The following MAN1C1 variants were observed in gnomAD, a reference collection of about 807,000 sequenced individuals.
The protein encoded by MAN1C1 is mannosidase alpha class 1C member 1.
MAN1C1 carries 49 observed loss-of-function variants against 71.5 expected under a neutral mutation model. The observed-to-expected ratio is 0.69, with a 90% CI of 0.54 to 0.87. MAN1C1 has a LOEUF of 0.87. MAN1C1 is among the 40% of genes least tolerant of loss of function. MAN1C1 has a pLI of 0.00. For synonymous variants in MAN1C1, 352 were observed against 343.7 expected (o/e 1.02, Z -0.27); for missense variants, 743 against 835.0 (o/e 0.89, Z 1.36).
intron 1 of MAN1C1, among the ~76,000 whole-genome samples, chr1:25,648,305 C>G (rs1343722282): frequency 1.3e-5 from 2 of 152,218 alleles, no homozygotes; most frequent in Non-Finnish European, 2.9e-5. Context: ...GAACACACAT[C>G]TGAGGCTTCT....
At chr1:25,757,913 GT>G (rs906197134) in intron 5 of MAN1C1, among the ~76,000 whole-genome samples, 1 of 152,190 alleles carries the variant, frequency 6.6e-6, no homozygotes, top group African/African-American at 2.4e-5. Flanking sequence ...TGTTTACCGC[GT>G]TTGCAAAAGG....
chr1:25,634,516 A>G lies in MAN1C1; in HGVS notation c.540+16179A>G, dbSNP rs1234688580. On this transcript the variant is annotated intron_variant, in intron 1 of 11. Coordinates refer to ENST00000374332, the MANE Select transcript of MAN1C1 (RefSeq NM_020379.4). This position sits in a 1 kb window ranked among gnomAD's most constrained non-coding sequence, Gnocchi z 4.6. ...TTTAATTCAGTCAATACAGTGAATTATATTTTTAAAAGAATGCTAGGCTGG... is the reference window on the plus strand; with the variant it reads ...TTTAATTCAGTCAATACAGTGAATTGTATTTTTAAAAGAATGCTAGGCTGG... 1.3e-5 allele frequency among the ~76,000 whole-genome samples: 2 copies of G among 152,208 alleles called. No individual in the cohort carries two copies. Among genetic ancestry groups the G allele is most frequent in the Non-Finnish European group, 2.9e-5 (2 of 68,036 alleles).
chr1:25,621,839 G>A (rs1252862226), intron 1 of MAN1C1, among the ~76,000 whole-genome samples: 3 of 151,950 alleles, frequency 2.0e-5, no homozygotes, highest in African/African-American at 7.3e-5. Flanking sequence ...GTGTTGGCCA[G>A]GCTGGTCTCG....
chr1:25,720,764 A>G (rs932928454), intron 2 of MAN1C1, among the ~76,000 whole-genome samples: 4 of 152,190 alleles, frequency 2.6e-5, no homozygotes, highest in African/African-American at 7.2e-5. Flanking sequence ...GGTCATGAAC[A>G]TAATTCCTGT....
chr1:25,625,456 A>C (rs1369167840), intron 1 of MAN1C1, among the ~76,000 whole-genome samples: 1 of 152,156 alleles, frequency 6.6e-6, no homozygotes, highest in African/African-American at 2.4e-5. Context: ...CCTCTCACCT[A>C]GCCCCTATCA....
chr1:25,767,509 CACATT>C (rs1464957714), intron 7 of MAN1C1, among the ~76,000 whole-genome samples: 1 of 141,866 alleles, frequency 7.0e-6, no homozygotes, highest in Non-Finnish European at 1.5e-5. Flanking sequence ...CCCTCACACA[CACATT>C]ACATACTACA....
At chr1:25,644,518 A>ATATATATTT (rs61386117) in intron 1 of MAN1C1, 13 of 40,288 alleles carry the variant, frequency 3.2e-4, no homozygotes, top group East Asian at 2.2e-3. Context: ...ATATATATAT[A>ATATATATTT]TTTTTTTTTT....
chr1:25,763,477 A>C (rs2047386701), intron 6 of MAN1C1, among the ~76,000 whole-genome samples: 2 of 111,968 alleles, frequency 1.8e-5, no homozygotes, highest in Non-Finnish European at 3.5e-5. Context: ...TGACAGAGTG[A>C]GACTGTCTCA....
At chr1:25,704,130 T>TA (rs1460212558) in intron 2 of MAN1C1, among the ~76,000 whole-genome samples, 6 of 152,214 alleles carry the variant, frequency 3.9e-5, no homozygotes, top group African/African-American at 1.4e-4. Context: ...CCGCAGTGTT[T>TA]CAGGCCCACT....
At chr1:25,627,929 C>T (rs918863786) in intron 1 of MAN1C1, among the ~76,000 whole-genome samples, 3 of 151,694 alleles carry the variant, frequency 2.0e-5, no homozygotes, top group Non-Finnish European at 4.4e-5. Context: ...ACCTATGGTT[C>T]CTGCTACTGG....
At chr1:25,736,371 T>C (rs1246097857) in intron 2 of MAN1C1, among the ~76,000 whole-genome samples, 2 of 152,148 alleles carry the variant, frequency 1.3e-5, no homozygotes, top group East Asian at 3.9e-4. Context: ...AACAGCCCCA[T>C]GCATTGAGTA....
chr1:25,768,634 A>G (rs1572208361), intron 7 of MAN1C1, among the ~76,000 whole-genome samples: 1 of 77,146 alleles, frequency 1.3e-5, no homozygotes, highest in African/African-American at 5.1e-5. Context: ...TCACACACAC[A>G]ATTACACACT....
intron 1 of MAN1C1, among the ~76,000 whole-genome samples, chr1:25,619,305 T>C (rs1182931187): frequency 1.3e-5 from 2 of 152,158 alleles, no homozygotes; most frequent in Non-Finnish European, 2.9e-5. Flanking sequence ...AACGAGAGGA[T>C]GCTCTCCCCT....
chr1:25,618,008 G>A lies in MAN1C1; in HGVS notation c.211G>A (p.Gly71Ser). 1 of 1,602,744 alleles carries A rather than the reference G, an allele frequency of 6.2e-7. No homozygotes were observed. The highest frequency in any genetic ancestry group is 1.1e-5 in the South Asian group (1 of 90,314). Residue 71 changes from glycine (G) to serine (S), a missense_variant, in exon 1 of 12, where the codon GGC (glycine) becomes AGC (serine). Physicochemically the swap from Gly to Ser is moderately conservative, Grantham distance 56. Coordinates refer to ENST00000374332, the MANE Select transcript of MAN1C1 (RefSeq NM_020379.4). ...PGLEVVAEIA[G>S]HAPAREQEPP... ...TCTGGAAGTGGTGGCTGAAATCGCC[G>A]GCCATGCCCCGGCCCGCGAGCAGGA...
chr1:25,655,177 C>T (rs1020172405), intron 1 of MAN1C1, among the ~76,000 whole-genome samples: 1 of 152,144 alleles, frequency 6.6e-6, no homozygotes, highest in African/African-American at 2.4e-5. Context: ...ATTTATTTAC[C>T]GTGTGATCTT....
intron 2 of MAN1C1, among the ~76,000 whole-genome samples, chr1:25,741,586 C>T (rs1250543979): frequency 1.3e-5 from 2 of 152,036 alleles, no homozygotes; most frequent in Non-Finnish European, 2.9e-5. Flanking sequence ...TATAAAGTGA[C>T]AGGGACAGGG....
chr1:25,686,093 C>T (rs1277436009), intron 1 of MAN1C1, among the ~76,000 whole-genome samples: 3 of 152,176 alleles, frequency 2.0e-5, no homozygotes, highest in South Asian at 2.1e-4. Context: ...TCCTTCCCTT[C>T]GGAGGATGAC....
In MAN1C1 at chr1:25,669,775, A is replaced by T. The variant is rs530412666; in HGVS notation, c.541-16665A>T. Reference sequence around the variant, plus strand: ...ACTCCTGTCTGGATGACAGAGCAAGACTCTGTCTCTAAAAATACACAGATA... The same window carrying T: ...ACTCCTGTCTGGATGACAGAGCAAGTCTCTGTCTCTAAAAATACACAGATA... On this transcript the variant is annotated intron_variant, in intron 1 of 11. Coordinates refer to ENST00000374332, the MANE Select transcript of MAN1C1 (RefSeq NM_020379.4). 9.2e-5 allele frequency among the ~76,000 whole-genome samples: 14 copies of T among 152,150 alleles called. No individual in the cohort carries two copies. The South Asian group carries it at 2.9e-3, about 32-fold the overall frequency.
chr1:25,677,362 G>C (rs950305012), intron 1 of MAN1C1, among the ~76,000 whole-genome samples: 2 of 152,054 alleles, frequency 1.3e-5, no homozygotes, highest in African/African-American at 4.8e-5. Flanking sequence ...GCTACAGGAA[G>C]GGAGGGGCTT....
Sources: gnomAD v4.1 joint callset for allele counts (sites outside exome capture counted in the v4.1 genomes callset) on GRCh38, gnomAD v4.1.1 for gene constraint, Gnocchi (gnomAD v3.1) non-coding constraint, MANE v1.5 for transcripts, NCBI Gene and HGNC (gene_info 2026-07-23, HGNC 2026-07-21) for gene names.